The following TRDN variants were observed in gnomAD, a reference collection of about 807,000 sequenced individuals.
The protein encoded by TRDN is triadin in skeletal muscle.
A neutral mutation model predicts 149.7 loss-of-function variants in TRDN; 161 were observed. The observed-to-expected ratio is 1.08, with a 90% CI of 0.95 to 1.23. TRDN has a LOEUF of 1.23. TRDN is among the 50% of genes most tolerant of loss of function. The pLI is 0.00. For missense variants in TRDN, 896 were observed against 823.5 expected (o/e 1.09, Z -1.08); for synonymous variants, 294 against 250.5 (o/e 1.17, Z -1.64).
intron 1 of TRDN, among the ~76,000 whole-genome samples, chr6:123,583,238 A>G (rs1783225647): frequency 6.6e-6 from 1 of 152,140 alleles, no homozygotes; most frequent in Admixed American, 6.5e-5. Flanking sequence ...ATAGCAGGGC[A>G]TGTATGAGTA....
chr6:123,474,980 AC>A (rs1777391603), intron 9 of TRDN, among the ~76,000 whole-genome samples: 1 of 152,210 alleles, frequency 6.6e-6, no homozygotes, highest in Non-Finnish European at 1.5e-5. Flanking sequence ...TGACACCCTA[AC>A]ATCACAATTA....
intron 38 of TRDN, among the ~76,000 whole-genome samples, chr6:123,234,305 ATATG>A (rs1775709964): frequency 6.6e-6 from 1 of 152,150 alleles, no homozygotes; most frequent in African/African-American, 2.4e-5. Context: ...CATATCATAT[ATATG>A]TGTGTGCATT....
At chr6:123,472,763 C>G (rs1486557143) in intron 9 of TRDN, among the ~76,000 whole-genome samples, 1 of 152,224 alleles carries the variant, frequency 6.6e-6, no homozygotes, top group Non-Finnish European at 1.5e-5. Flanking sequence ...GGCAGACTGC[C>G]TTCTCAAGTG....
At chr6:123,442,533 G>A (rs1208647781) in intron 10 of TRDN, among the ~76,000 whole-genome samples, 1 of 93,976 alleles carries the variant, frequency 1.1e-5, no homozygotes, top group Non-Finnish European at 1.9e-5. Context: ...GCCACAGAGC[G>A]AGACTCCGTC....
chr6:123,425,751 G>C (rs978746450), intron 12 of TRDN, among the ~76,000 whole-genome samples: 4 of 152,086 alleles, frequency 2.6e-5, no homozygotes, highest in Non-Finnish European at 4.4e-5. Flanking sequence ...GGGGATGAGA[G>C]ACCGGAAGGA....
chr6:123,574,323 T>A (rs1319527166), intron 1 of TRDN, among the ~76,000 whole-genome samples: 1 of 151,924 alleles, frequency 6.6e-6, no homozygotes. Context: ...ATAAAAAAAA[T>A]ACTTCTAAAA....
intron 30 of TRDN, among the ~76,000 whole-genome samples, 180 bp downstream of exon 30, chr6:123,270,959 T>A (rs960689822): frequency 6.6e-6 from 1 of 151,950 alleles, no homozygotes; most frequent in Non-Finnish European, 1.5e-5. Flanking sequence ...AAAATTATAT[T>A]GAACATATTT....
At chr6:123,395,468 T>C (rs1368282254) in intron 12 of TRDN, among the ~76,000 whole-genome samples, 1 of 152,120 alleles carries the variant, frequency 6.6e-6, no homozygotes, top group Non-Finnish European at 1.5e-5. Context: ...TCAATGGGGT[T>C]TACCTCTTTA....
intron 9 of TRDN, among the ~76,000 whole-genome samples, chr6:123,493,384 A>G (rs1357961374): frequency 6.6e-6 from 1 of 152,150 alleles, no homozygotes; most frequent in Non-Finnish European, 1.5e-5. Context: ...AATCAGAAAG[A>G]GCAATTCAAT....
At chr6:123,513,912 A>G (rs891093464) in intron 6 of TRDN, among the ~76,000 whole-genome samples, 5 of 152,124 alleles carry the variant, frequency 3.3e-5, no homozygotes, top group Non-Finnish European at 7.4e-5. Context: ...ACTTCAGCAG[A>G]CTATGCATAC....
At chr6:123,573,039 A>C (rs1184971479) in intron 1 of TRDN, among the ~76,000 whole-genome samples, 1 of 152,084 alleles carries the variant, frequency 6.6e-6, no homozygotes, top group Non-Finnish European at 1.5e-5. Flanking sequence ...TCTTTCCATC[A>C]GTCTCTTGCT....
intron 24 of TRDN, among the ~76,000 whole-genome samples, chr6:123,291,774 A>T (rs1009689292): frequency 2.3e-4 from 35 of 152,178 alleles, no homozygotes; most frequent in Non-Finnish European, 4.3e-4. Context: ...TAAAGGTATT[A>T]ATTTGCTAAA....
At chr6:123,445,918 T>C (rs1775312814) in intron 10 of TRDN, among the ~76,000 whole-genome samples, 1 of 139,968 alleles carries the variant, frequency 7.1e-6, no homozygotes, top group Non-Finnish European at 1.5e-5. Flanking sequence ...ATCATGCTGC[T>C]ATAAAGACAC....
At chr6:123,334,679 T>G (rs1435530623) in intron 22 of TRDN, among the ~76,000 whole-genome samples, 1 of 151,962 alleles carries the variant, frequency 6.6e-6, no homozygotes, top group Non-Finnish European at 1.5e-5. Flanking sequence ...GCAACAAAAG[T>G]TGGCAAGACA....
chr6:123,445,357 A>C (rs1424983180), intron 10 of TRDN, among the ~76,000 whole-genome samples: 1 of 142,174 alleles, frequency 7.0e-6, no homozygotes, highest in Non-Finnish European at 1.5e-5. Context: ...CACCAAAAGC[A>C]ATGGCAACAA....
At chr6:123,571,223 G>T in intron 1 of TRDN, 91 bp from the exon 2 acceptor site, 1 of 1,332,942 alleles carries the variant, frequency 7.5e-7, no homozygotes. Context: ...TGCTGAACCT[G>T]TTTATACTGC....
intron 10 of TRDN, among the ~76,000 whole-genome samples, chr6:123,463,353 T>C (rs12210069): frequency 8.8e-6 from 1 of 114,098 alleles, no homozygotes; most frequent in South Asian, 3.6e-4. Context: ...AAAAAAAAAA[T>C]AAATAATAAA....
intron 12 of TRDN, chr6:123,418,693 T>G (rs768911060): frequency 6.6e-6 from 1 of 151,998 alleles, no homozygotes; most frequent in Non-Finnish European, 1.5e-5. Context: ...AACCCCAACA[T>G]AAAGCCACTG....
intron 10 of TRDN, among the ~76,000 whole-genome samples, chr6:123,455,372 C>T (rs1371374858): frequency 6.8e-6 from 1 of 146,844 alleles, no homozygotes; most frequent in African/African-American, 2.5e-5. Flanking sequence ...TTCTTTCTCA[C>T]TTTCTATATA....
Sources: gnomAD v4.1 joint callset for allele counts (sites outside exome capture counted in the v4.1 genomes callset) on GRCh38, gnomAD v4.1.1 for gene constraint, MANE v1.5 for transcripts, NCBI Gene and HGNC (gene_info 2026-07-23, HGNC 2026-07-21) for gene names.